INPP4B: variants seen among roughly 807,000 people sequenced by gnomAD.
INPP4B encodes inositol polyphosphate 4-phosphatase type II.
Under a neutral mutation model 122.5 loss-of-function variants are expected in INPP4B, and 55 were observed. The ratio of observed to expected loss-of-function variants is 0.45; its 90% CI spans 0.36 to 0.56. The LOEUF is 0.56. Among genes scored for constraint, INPP4B ranks in the 20% least tolerant of loss-of-function variants. The pLI is 0.00. For missense variants in INPP4B, 1,000 were observed against 1,097.7 expected (o/e 0.91, Z 1.26); for synonymous variants, 403 against 388.7 (o/e 1.04, Z -0.43).
At chr4:142,215,097 T>A (rs541126563) in intron 12 of INPP4B, among the ~76,000 whole-genome samples, 2 of 152,150 alleles carry the variant, frequency 1.3e-5, no homozygotes, top group Non-Finnish European at 2.9e-5. Flanking sequence ...ATAAGATTCA[T>A]AAACTCCCAG....
intron 7 of INPP4B, among the ~76,000 whole-genome samples, chr4:142,391,182 C>T (rs561446913): frequency 1.1e-3 from 164 of 152,298 alleles, no homozygotes; most frequent in African/African-American, 3.8e-3. Flanking sequence ...AGCCAAATTA[C>T]CTATAATAAC....
At position 142,150,886 on chromosome 4, in the gene INPP4B, A is replaced by T. The variant is rs77293249; in HGVS notation, c.1564-4890T>A. Among the ~76,000 whole-genome samples, 494 of 152,266 alleles carry T rather than the reference A, an allele frequency of 3.2e-3. 3 individuals carry two copies. Among genetic ancestry groups the T allele is most frequent in the African/African-American group, 0.011 (446 of 41,550 alleles). ...ATATTCCGTAATACTTAGCTGACCA[A>T]CTTTTTCTAAGGCCAATTTTTGATC... On this transcript the variant is annotated intron_variant, in intron 17 of 25. Transcript: ENST00000262992.
intron 2 of INPP4B, among the ~76,000 whole-genome samples, chr4:142,641,895 G>C (rs1413350073): frequency 6.6e-6 from 1 of 152,170 alleles, no homozygotes; most frequent in Admixed American, 6.5e-5. Flanking sequence ...CAGTGTAAAA[G>C]TGTTCCTATT....
chr4:142,038,304 A>G (rs1745228226), intron 25 of INPP4B, among the ~76,000 whole-genome samples: 1 of 152,254 alleles, frequency 6.6e-6, no homozygotes, highest in Non-Finnish European at 1.5e-5. Context: ...CCCCAGCCCC[A>G]TTTAAACTGT....
intron 14 of INPP4B, among the ~76,000 whole-genome samples, chr4:142,205,047 A>G (rs1842107284): frequency 6.6e-6 from 1 of 152,108 alleles, no homozygotes; most frequent in South Asian, 2.1e-4. Flanking sequence ...TCTTTCTTTT[A>G]GTTGGCAGAT....
chr4:142,124,720 CA>C lies in INPP4B; in HGVS notation c.1760del (p.Leu587ArgfsTer9). 5 of 1,606,984 alleles carry C rather than the reference CA, an allele frequency of 3.1e-6. No homozygotes were observed. The highest frequency in any genetic ancestry group is 4.3e-6 in the Non-Finnish European group (5 of 1,175,226). On this transcript the variant is annotated frameshift_variant, in exon 19 of 26. Transcript: ENST00000262992. LOFTEE classifies it high-confidence loss of function. ...YEQLYPLILT[L>X]KDCMGEVVNR... ...TCACCACTTCTCCCATGCAGTCCTTCAGGGTAAGGATGAGGGGATACAACTG... is the reference window on the plus strand; with the variant it reads ...TCACCACTTCTCCCATGCAGTCCTTCGGGTAAGGATGAGGGGATACAACTG...
chr4:142,123,270 C>T (rs890372390), intron 20 of INPP4B, 22 bp downstream of exon 20: 1 of 1,529,494 alleles, frequency 6.5e-7, no homozygotes, highest in Non-Finnish European at 8.8e-7. Flanking sequence ...GTGATTTTAA[C>T]TTGTACTAAA....
In INPP4B at chr4:142,483,182, C is replaced by CTTTTTTTTTTTTTTTTTTTTT. The variant is rs5862604; in HGVS notation, c.-190-20477_-190-20457dup. On this transcript the variant is annotated intron_variant, in intron 2 of 25. Coordinates refer to ENST00000262992, the MANE Select transcript of INPP4B (RefSeq NM_001101669.3). ...TAATAATGACTGGAGTCAGGCTATG[C>CTTTTTTTTTTTTTTTTTTTTT]TTTTTTTTTTTTTTTTTTTTTTTTT... Among the ~76,000 whole-genome samples the CTTTTTTTTTTTTTTTTTTTTT allele has an allele frequency of 2.3e-4, 11 of 48,334 alleles. 1 individual carries two copies. Among genetic ancestry groups the CTTTTTTTTTTTTTTTTTTTTT allele is most frequent in the African/African-American group, 8.9e-4 (9 of 10,092 alleles). The allele number at this position is 48,334 out of a possible 152,430, so 31.7% of individuals were successfully genotyped here. A position where few individuals can be genotyped will look rare whatever the true frequency, so the allele number is the denominator to read the frequency against.
In INPP4B at chr4:142,761,160, A is replaced by G. The variant is rs557189168; in HGVS notation, c.-253-35259T>C. On this transcript the variant is annotated intron_variant, in intron 1 of 25. Transcript: ENST00000262992. ...TTTGCTTATATAACTACATTGTCAT[A>G]AAATAAGCAATTTTTTTTTTTTTTG... Among the ~76,000 whole-genome samples the G allele has an allele frequency of 2.3e-5, 3 of 131,200 alleles. No homozygotes were observed. The South Asian group carries it at 7.9e-4, about 35-fold the overall frequency. The allele number at this position is 131,200 out of a possible 152,430, so 86.1% of individuals were successfully genotyped here. A position where few individuals can be genotyped will look rare whatever the true frequency, so the allele number is the denominator to read the frequency against.
chr4:142,494,921 T>C (rs192337953), intron 2 of INPP4B, among the ~76,000 whole-genome samples: 2 of 152,298 alleles, frequency 1.3e-5, no homozygotes, highest in African/African-American at 2.4e-5. Flanking sequence ...CCTCATTTTT[T>C]CCCCATTTAA....
In INPP4B at chr4:142,023,769, A is replaced by G. The variant is rs1024253272; in HGVS notation, c.*5013T>C. 2.0e-5 allele frequency: 3 copies of G among 151,786 alleles called. No individual in the cohort carries two copies. Among genetic ancestry groups the G allele is most frequent in the African/African-American group, 7.3e-5 (3 of 41,352 alleles). The allele number at this position is 151,786 out of a possible 1,614,324, so 9.4% of individuals were successfully genotyped here. The stretch of plus-strand genomic sequence containing the variant: ...TAAAGAACTGTATTTACTAAAATAT[A>G]TTTTTTTTGGCAAGATGTGATTTAT... On this transcript the variant is annotated 3_prime_UTR_variant, in exon 26 of 26. Coordinates refer to ENST00000262992, the MANE Select transcript of INPP4B (RefSeq NM_001101669.3).
At chr4:142,096,791 A>G (rs576257317) in intron 23 of INPP4B, among the ~76,000 whole-genome samples, 5 of 152,292 alleles carry the variant, frequency 3.3e-5, no homozygotes, top group African/African-American at 4.8e-5. Context: ...AAATATTCCA[A>G]TATTTAAAAA....
At position 142,604,758 on chromosome 4, in the gene INPP4B, T is replaced by C. The variant is rs191653582; in HGVS notation, c.-191+121081A>G. ...TAGAAAGACATCCCATGCTCATGAA[T>C]TGGAAGGATTAACATTGTTGAAATG... On this transcript the variant is annotated intron_variant, in intron 2 of 25. Coordinates refer to ENST00000262992, the MANE Select transcript of INPP4B (RefSeq NM_001101669.3). Among the ~76,000 whole-genome samples, 451 of 152,214 alleles carry C rather than the reference T, an allele frequency of 3.0e-3. 4 individuals are homozygous for C. Among genetic ancestry groups the C allele is most frequent in the Non-Finnish European group, 2.5e-3 (170 of 67,982 alleles).
chr4:142,273,288 G>C (rs945458787), intron 9 of INPP4B, among the ~76,000 whole-genome samples: 2 of 151,788 alleles, frequency 1.3e-5, no homozygotes, highest in African/African-American at 4.8e-5. Flanking sequence ...AACCAGAATT[G>C]CTACTTTTAT....
At chr4:142,421,170 C>G (rs1432899966) in intron 5 of INPP4B, among the ~76,000 whole-genome samples, 1 of 152,112 alleles carries the variant, frequency 6.6e-6, no homozygotes, top group Non-Finnish European at 1.5e-5. Context: ...GGCTCAGTTT[C>G]AGCCTGGAAT....
intron 7 of INPP4B, among the ~76,000 whole-genome samples, chr4:142,351,922 T>C (rs2151816552): frequency 6.6e-6 from 1 of 152,172 alleles, no homozygotes; most frequent in African/African-American, 2.4e-5. Flanking sequence ...CCTATATAGT[T>C]TTAAAAGTGG....
At chr4:142,264,739 G>A (rs981303341) in intron 10 of INPP4B, among the ~76,000 whole-genome samples, 2 of 152,288 alleles carry the variant, frequency 1.3e-5, no homozygotes, top group East Asian at 3.9e-4. Flanking sequence ...TTTATATAAA[G>A]GTACTGTTAT....
At chr4:142,514,226 T>C (rs963470722) in intron 2 of INPP4B, 1 of 152,150 alleles carries the variant, frequency 6.6e-6, no homozygotes, top group African/African-American at 2.4e-5. Flanking sequence ...AAGCAAACCT[T>C]CAAATGCCTC....
intron 2 of INPP4B, among the ~76,000 whole-genome samples, chr4:142,618,525 A>G (rs1275264257): frequency 2.0e-5 from 3 of 152,098 alleles, no homozygotes; most frequent in African/African-American, 4.8e-5. Flanking sequence ...GAAACTAGAT[A>G]CCCACATGCA....
Sources: allele counts gnomAD v4.1 joint callset (sites outside exome capture counted in the v4.1 genomes callset), GRCh38; gene constraint gnomAD v4.1.1; transcripts MANE v1.5; gene names NCBI Gene and HGNC (gene_info 2026-07-23, HGNC 2026-07-21).